The following MEIS1 variants were observed in gnomAD, a reference collection of about 807,000 sequenced individuals.
MEIS1 encodes Meis homeobox 1, also known as homeobox protein Meis1.
MEIS1 carries 5 observed loss-of-function variants against 50.8 expected under a neutral mutation model. The ratio of observed to expected loss-of-function variants is 0.10; its 90% confidence interval spans 0.05 to 0.21. MEIS1 has a LOEUF of 0.21. MEIS1 is among the 10% of genes least tolerant of loss of function. The pLI is 1.00. For synonymous variants in MEIS1, 176 were observed against 179.3 expected (o/e 0.98, Z 0.15); for missense variants, 318 against 517.3 (o/e 0.61, Z 3.74).
intron 7 of MEIS1, among the ~76,000 whole-genome samples, chr2:66,482,930 T>C (rs1229011224): frequency 6.6e-6 from 1 of 152,218 alleles, no homozygotes; most frequent in East Asian, 1.9e-4. Flanking sequence ...AGAACAGGCT[T>C]TTAATAAATC....
chr2:66,494,139 C>T (rs1033812250), intron 7 of MEIS1, among the ~76,000 whole-genome samples: 5 of 152,162 alleles, frequency 3.3e-5, no homozygotes, highest in Admixed American at 6.5e-5. Flanking sequence ...GGCATGATCT[C>T]AAAGTTGTTC....
chr2:66,541,978 A>AT (rs1410580961), intron 8 of MEIS1, among the ~76,000 whole-genome samples: 4 of 152,186 alleles, frequency 2.6e-5, no homozygotes, highest in African/African-American at 9.7e-5. Flanking sequence ...AGCATTATGG[A>AT]TTTTTTTAAA....
chr2:66,571,554 A>C lies in MEIS1; in HGVS notation c.*346A>C. 1 of 1,551,854 alleles carries C rather than the reference A, an allele frequency of 6.4e-7. No homozygotes were observed. Among genetic ancestry groups the C allele is most frequent in the Non-Finnish European group, 8.7e-7 (1 of 1,147,904 alleles). On this transcript the variant is annotated 3_prime_UTR_variant, in exon 13 of 13. Coordinates refer to ENST00000272369, the MANE Select transcript of MEIS1 (RefSeq NM_002398.3). ...GCTTAAGGGAATATGCATTGTCTGC[A>C]ATGGTGACTGATTTCAAATCATGTT...
At chr2:66,484,306 T>C (rs182728012) in intron 7 of MEIS1, among the ~76,000 whole-genome samples, 1 of 152,322 alleles carries the variant, frequency 6.6e-6, no homozygotes, top group Non-Finnish European at 1.5e-5. Flanking sequence ...TGGTTATGTC[T>C]TTTTCTCTTT....
rs1482103507 is a variant in MEIS1, at chr2:66,437,771, G to C, written c.47G>C (p.Gly16Ala). 1 of 1,613,850 alleles carries C rather than the reference G, an allele frequency of 6.2e-7. No individual in the cohort carries two copies. The highest frequency in any genetic ancestry group is 1.1e-5 in the South Asian group (1 of 91,064). The change falls in exon 2 of 13, where the codon GGA (glycine) becomes GCA (alanine). Residue 16 changes from glycine to alanine, a missense_variant. This residue lies in a region of MEIS1 where 100 missense variants were observed against 107.1 expected (regional missense o/e 0.93). Coordinates refer to ENST00000272369, the MANE Select transcript of MEIS1 (RefSeq NM_002398.3). ...CTACCCCATTACGGGGGCATGGATGGAGTAGGCATCCCCTCCACGATGTAT... is the reference window on the plus strand; with the variant it reads ...CTACCCCATTACGGGGGCATGGATGCAGTAGGCATCCCCTCCACGATGTAT... The part of the protein sequence containing the change: ...DDLPHYGGMD[G>A]VGIPSTMYGD...
At chr2:66,490,237 T>C (rs1242485132) in intron 7 of MEIS1, among the ~76,000 whole-genome samples, 1 of 152,224 alleles carries the variant, frequency 6.6e-6, no homozygotes, top group African/African-American at 2.4e-5. Flanking sequence ...CCTGCAAAAC[T>C]GAGAAAAATC....
At chr2:66,545,451 C>T (rs1190769743) in intron 8 of MEIS1, among the ~76,000 whole-genome samples, 1 of 152,134 alleles carries the variant, frequency 6.6e-6, no homozygotes, top group Non-Finnish European at 1.5e-5. Flanking sequence ...AATCTTTAAC[C>T]TCAATGGATC....
At chr2:66,546,382 A>T (rs540301075) in intron 8 of MEIS1, among the ~76,000 whole-genome samples, 2 of 152,296 alleles carry the variant, frequency 1.3e-5, no homozygotes, top group Admixed American at 1.3e-4. Flanking sequence ...GCAAGGCTGG[A>T]TGGTGACAGG....
chr2:66,546,915 G>C lies in MEIS1; in HGVS notation c.889-1028G>C, dbSNP rs149212388. ...ATTAAATTAAAAGCTATGTCAATTA[G>C]CATTCAATAGACGACAATTTAGTTT... On this transcript the variant is annotated intron_variant, in intron 8 of 12. Transcript: ENST00000272369. 4.5e-3 allele frequency among the ~76,000 whole-genome samples: 680 copies of C among 152,270 alleles called. 3 individuals carry two copies. Among genetic ancestry groups the C allele is most frequent in the African/African-American group, 0.016 (658 of 41,554 alleles).
At chr2:66,536,604 TTCAC>T (rs1180003232) in intron 8 of MEIS1, among the ~76,000 whole-genome samples, 1 of 152,170 alleles carries the variant, frequency 6.6e-6, no homozygotes, top group African/African-American at 2.4e-5. Context: ...GAAAATAAAT[TTCAC>T]TCAGGTGTCT....
At position 66,440,824 on chromosome 2, in the gene MEIS1, C is replaced by A. The variant is rs900154134; in HGVS notation, c.432+212C>A. On this transcript the variant is annotated intron_variant, in intron 4 of 12. Coordinates refer to ENST00000272369, the MANE Select transcript of MEIS1 (RefSeq NM_002398.3). ...TCGAGAGGGGCCGGGCGAGCCAGCG[C>A]GGGGAAACGCGAGCTTTTGTTTTTT... 1.3e-4 allele frequency: 72 copies of A among 570,492 alleles called. 1 individual carries two copies. The South Asian group carries it at 1.5e-3, about 12-fold the overall frequency. 35.3% of individuals were successfully genotyped at this position (570,492 alleles called of 1,614,324 possible).
At chr2:66,488,144 C>T (rs1673185431) in intron 7 of MEIS1, among the ~76,000 whole-genome samples, 1 of 152,142 alleles carries the variant, frequency 6.6e-6, no homozygotes, top group Admixed American at 6.5e-5. Context: ...TAAAATTTCC[C>T]AGTGATTTGT....
At chr2:66,519,880 G>A (rs6712823) in intron 8 of MEIS1, among the ~76,000 whole-genome samples, 148,480 of 152,234 alleles carry the variant, frequency 0.98, 72,532 homozygotes, top group Middle Eastern at 1. Context: ...AAATGGGGTG[G>A]TATATATTAA....
chr2:66,448,501 T>G (rs549132846), intron 6 of MEIS1, among the ~76,000 whole-genome samples: 2 of 152,184 alleles, frequency 1.3e-5, no homozygotes, highest in Non-Finnish European at 2.9e-5. Flanking sequence ...ACAGGTGGAG[T>G]TGGAGAAACT....
chr2:66,508,168 T>G (rs1354528204), intron 7 of MEIS1, among the ~76,000 whole-genome samples: 1 of 152,182 alleles, frequency 6.6e-6, no homozygotes, highest in East Asian at 1.9e-4. Flanking sequence ...GTTAGAAACC[T>G]GGTGTTTTTT....
chr2:66,438,038 A>G, intron 2 of MEIS1, 75 bp downstream of exon 2: 1 of 1,290,106 alleles, frequency 7.8e-7, no homozygotes, highest in Non-Finnish European at 1.1e-6. Flanking sequence ...TGGTAAGAGG[A>G]AAGTCAGAGT....
chr2:66,521,315 C>A (rs796551446), intron 8 of MEIS1, among the ~76,000 whole-genome samples: 5 of 152,234 alleles, frequency 3.3e-5, no homozygotes, highest in African/African-American at 1.2e-4. Context: ...TTTCCTCATG[C>A]AGATCCTAAC....
intron 8 of MEIS1, among the ~76,000 whole-genome samples, chr2:66,532,618 GA>G (rs147120644): frequency 2.7e-5 from 4 of 145,710 alleles, no homozygotes; most frequent in African/African-American, 5.0e-5. Flanking sequence ...TTGATGCCAT[GA>G]AAAAAAAAAC....
intron 7 of MEIS1, among the ~76,000 whole-genome samples, chr2:66,473,397 A>AATATAT (rs1553373466): frequency 5.6e-5 from 6 of 107,580 alleles, no homozygotes; most frequent in African/African-American, 2.3e-4. Context: ...AAAAAAAAAA[A>AATATAT]ATATATATAT....
Sources: allele counts gnomAD v4.1 joint callset (sites outside exome capture counted in the v4.1 genomes callset), GRCh38; gene constraint gnomAD v4.1.1; regional missense constraint gnomAD v4.1.1; transcripts MANE v1.5; gene names NCBI Gene and HGNC (gene_info 2026-07-23, HGNC 2026-07-21).